SLC38A1: variants seen among roughly 807,000 people sequenced by gnomAD.
The protein encoded by SLC38A1 is sodium-coupled neutral amino acid symporter 1.
SLC38A1 carries 18 observed loss-of-function variants against 60.3 expected under a neutral mutation model. The ratio of observed to expected loss-of-function variants is 0.30; its 90% confidence interval spans 0.21 to 0.44. The LOEUF is 0.44. SLC38A1 is among the 20% of genes least tolerant of loss of function. The probability of loss-of-function intolerance (pLI) is 1.00; values close to 1 mark genes in which losing one functional copy is unlikely to be tolerated. For synonymous variants in SLC38A1, 196 were observed against 212.1 expected (o/e 0.92, Z 0.66); for missense variants, 448 against 587.2 (o/e 0.76, Z 2.45).
At chr12:46,247,599 A>G (rs1281770589) in intron 1 of SLC38A1, among the ~76,000 whole-genome samples, 1 of 152,250 alleles carries the variant, frequency 6.6e-6, no homozygotes, top group Non-Finnish European at 1.5e-5. Context: ...AAACAAAGTT[A>G]GAAAACACTC....
At chr12:46,263,740 A>G (rs1282107617) in intron 1 of SLC38A1, among the ~76,000 whole-genome samples, 2 of 152,138 alleles carry the variant, frequency 1.3e-5, no homozygotes, top group East Asian at 1.9e-4. Context: ...TTAAATCTTC[A>G]TGTGGCTCTG....
intron 1 of SLC38A1, among the ~76,000 whole-genome samples, chr12:46,256,946 A>T (rs1942050534): frequency 6.6e-6 from 1 of 152,196 alleles, no homozygotes; most frequent in Non-Finnish European, 1.5e-5. Context: ...TGTCTGGGTA[A>T]GATGGTCACC....
At chr12:46,266,530 G>A (rs1942358815) in intron 1 of SLC38A1, among the ~76,000 whole-genome samples, 2 of 151,784 alleles carry the variant, frequency 1.3e-5, no homozygotes, top group South Asian at 4.2e-4. Context: ...ATTCGGGTCT[G>A]AGGACAAATG....
intron 1 of SLC38A1, among the ~76,000 whole-genome samples, chr12:46,249,684 T>C (rs1941764837): frequency 6.6e-6 from 1 of 152,072 alleles, no homozygotes; most frequent in Non-Finnish European, 1.5e-5. Context: ...AAATACAAAC[T>C]ACCATCAGAG....
At chr12:46,196,261 G>T in intron 16 of SLC38A1, 1 of 1,536,022 alleles carries the variant, frequency 6.5e-7, no homozygotes, top group Non-Finnish European at 8.7e-7. Flanking sequence ...ACTGGAAACT[G>T]GAGGAAGAGA....
At chr12:46,207,660 G>A in intron 6 of SLC38A1, 39 bp from the exon 7 acceptor site, 8 of 1,571,534 alleles carry the variant, frequency 5.1e-6, no homozygotes, top group Non-Finnish European at 7.0e-6. Context: ...AGAAATGACA[G>A]GGTTCAGAAA....
chr12:46,215,916 A>G (rs1940391506), intron 5 of SLC38A1, among the ~76,000 whole-genome samples: 1 of 152,116 alleles, frequency 6.6e-6, no homozygotes, highest in African/African-American at 2.4e-5. Flanking sequence ...TCTCCTAATA[A>G]CCCACAGCCC....
At chr12:46,217,294 G>A (rs931170880) in intron 5 of SLC38A1, among the ~76,000 whole-genome samples, 9 of 152,088 alleles carry the variant, frequency 5.9e-5, no homozygotes, top group Admixed American at 3.3e-4. Flanking sequence ...TACCCATCAC[G>A]TTGCATTGTC....
chr12:46,200,188 T>C lies in SLC38A1; in HGVS notation c.1003+910A>G, dbSNP rs188466466. On this transcript the variant is annotated intron_variant, in intron 13 of 16. Transcript: ENST00000398637. ...AAAATTAAATGTGGTATTTATGAATTCATTAGACAATGCCATTCTCTATTG... is the reference window on the plus strand; with the variant it reads ...AAAATTAAATGTGGTATTTATGAATCCATTAGACAATGCCATTCTCTATTG... Among the ~76,000 whole-genome samples, 26 of 152,318 alleles carry C rather than the reference T, an allele frequency of 1.7e-4. 1 individual carries two copies. Among genetic ancestry groups the C allele is most frequent in the African/African-American group, 6.0e-4 (25 of 41,580 alleles).
chr12:46,246,868 A>G (rs1312844645), intron 1 of SLC38A1, among the ~76,000 whole-genome samples: 2 of 152,214 alleles, frequency 1.3e-5, no homozygotes, highest in African/African-American at 4.8e-5. Flanking sequence ...TGCAGCCTCC[A>G]CTGGTGATAC....
chr12:46,237,073 T>G (rs1423660522), intron 3 of SLC38A1, among the ~76,000 whole-genome samples: 2 of 152,226 alleles, frequency 1.3e-5, no homozygotes, highest in Non-Finnish European at 2.9e-5. Flanking sequence ...CTTAAAAGAA[T>G]AAAAGGTTCT....
At chr12:46,253,857 T>C (rs1941939781) in intron 1 of SLC38A1, among the ~76,000 whole-genome samples, 1 of 152,164 alleles carries the variant, frequency 6.6e-6, no homozygotes, top group South Asian at 2.1e-4. Context: ...GGGGTGATGG[T>C]ATTCCTACCT....
At chr12:46,233,936 C>T (rs1425576929) in intron 3 of SLC38A1, among the ~76,000 whole-genome samples, 1 of 152,212 alleles carries the variant, frequency 6.6e-6, no homozygotes, top group Non-Finnish European at 1.5e-5. Context: ...ATCTTAGCTC[C>T]CCCTGCTCCT....
intron 1 of SLC38A1, among the ~76,000 whole-genome samples, chr12:46,250,288 C>T (rs61928118): frequency 0.17 from 25,286 of 152,116 alleles, 2,569 homozygotes; most frequent in Non-Finnish European, 0.22. Flanking sequence ...AATTCAACAG[C>T]GCTTCAGGCT....
Position 46,204,604 on chromosome 12 carries a change from T to A in SLC38A1, c.647-14A>T. On this transcript the variant is annotated splice_polypyrimidine_tract_variant and intron_variant, in intron 9 of 16. Coordinates refer to ENST00000398637, the MANE Select transcript of SLC38A1 (RefSeq NM_030674.4). The stretch of plus-strand genomic sequence containing the variant: ...AGCCAAGATACCCTTTAAAAAAAAG[T>A]AAAAAATAAATTATTTCATTTTTTT... 1.3e-6 allele frequency: 2 copies of A among 1,572,298 alleles called. No individual in the cohort carries two copies. Among genetic ancestry groups the A allele is most frequent in the African/African-American group, 1.4e-5 (1 of 72,864 alleles).
At chr12:46,249,025 G>A (rs1351222987) in intron 1 of SLC38A1, among the ~76,000 whole-genome samples, 8 of 151,916 alleles carry the variant, frequency 5.3e-5, no homozygotes, top group South Asian at 2.1e-4. Flanking sequence ...GTGCGGTGGC[G>A]GGTGCCTGTA....
At chr12:46,221,418 C>T (rs570742694) in intron 5 of SLC38A1, among the ~76,000 whole-genome samples, 2 of 152,174 alleles carry the variant, frequency 1.3e-5, no homozygotes, top group African/African-American at 4.8e-5. Flanking sequence ...GGAGGCATTC[C>T]TAGGAAAGTA....
intron 13 of SLC38A1, among the ~76,000 whole-genome samples, chr12:46,199,663 G>T (rs529757201): frequency 2.0e-5 from 3 of 151,814 alleles, no homozygotes; most frequent in South Asian, 4.2e-4. Flanking sequence ...CTGGCCTTAT[G>T]TACTACTTTG....
Position 46,204,350 on chromosome 12 carries a change from G to A in SLC38A1, c.773C>T (p.Ser258Leu), listed in dbSNP as rs1046353102. ...TGGCGTACACGTGTCAGCATTTGTT[G>A]AATTAGCACTTATTGTTGAATTTAG... Reference protein sequence around the residue: ...PELNSTISANSTNADTCTPKY... With the variant: ...PELNSTISANLTNADTCTPKY... The change falls in exon 11 of 17, where the codon TCA becomes TTA. Residue 258 changes from serine (S) to leucine (L), a missense_variant. This residue lies in a region of SLC38A1 where 346 missense variants were observed against 497.5 expected (regional missense o/e 0.70). Transcript: ENST00000398637. The A allele has an allele frequency of 6.2e-7, 1 of 1,613,680 alleles. No homozygotes were observed.
Sources: gnomAD v4.1 joint callset for allele counts (sites outside exome capture counted in the v4.1 genomes callset) on GRCh38, gnomAD v4.1.1 for gene constraint, gnomAD v4.1.1 regional missense constraint, MANE v1.5 for transcripts, NCBI Gene and HGNC (gene_info 2026-07-23, HGNC 2026-07-21) for gene names.